LRRC75A: variants seen among roughly 807,000 people sequenced by gnomAD.
LRRC75A encodes the protein leucine-rich repeat-containing protein 75A.
A neutral mutation model predicts 26.0 loss-of-function variants in LRRC75A; 12 were observed. The ratio of observed to expected loss-of-function variants is 0.46; its 90% confidence interval spans 0.30 to 0.75. The LOEUF (loss-of-function observed/expected upper bound fraction) is 0.75. LRRC75A is among the 30% of genes least tolerant of loss of function. The pLI is 0.08. For synonymous variants in LRRC75A, 223 were observed against 219.3 expected (o/e 1.02, Z -0.15); for missense variants, 410 against 486.6 (o/e 0.84, Z 1.48).
chr17:16,477,876 T>C (rs1382085924), intron 1 of LRRC75A, among the ~76,000 whole-genome samples: 1 of 152,044 alleles, frequency 6.6e-6, no homozygotes, highest in African/African-American at 2.4e-5. Flanking sequence ...ACCTGGTTTC[T>C]CAGTGGTCAC....
intron 1 of LRRC75A, among the ~76,000 whole-genome samples, chr17:16,476,065 G>A (rs970315990): frequency 6.6e-6 from 1 of 152,132 alleles, no homozygotes; most frequent in Non-Finnish European, 1.5e-5. Context: ...TGTGATGGCA[G>A]GTGCCTATAG....
At chr17:16,453,052 AG>A (rs2093645751) in intron 2 of LRRC75A, among the ~76,000 whole-genome samples, 1 of 152,090 alleles carries the variant, frequency 6.6e-6, no homozygotes, top group African/African-American at 2.4e-5. Context: ...GCACTTTGGG[AG>A]GCCGAGGCAG....
chr17:16,447,228 C>T (rs1367213600), intron 3 of LRRC75A, among the ~76,000 whole-genome samples: 2 of 152,078 alleles, frequency 1.3e-5, no homozygotes, highest in African/African-American at 2.4e-5. Flanking sequence ...CAACCCCTAC[C>T]AATCTTCAAG....
chr17:16,479,264 G>A (rs946321991), intron 1 of LRRC75A, among the ~76,000 whole-genome samples: 2 of 152,230 alleles, frequency 1.3e-5, no homozygotes, highest in Admixed American at 6.5e-5. Context: ...TCAGCTCCTC[G>A]ATTCAAGAGA....
In LRRC75A at chr17:16,445,786, A is replaced by T. The variant is rs35076500; in HGVS notation, c.492-1655T>A. Among the ~76,000 whole-genome samples, 811 of 152,234 alleles carry T rather than the reference A, an allele frequency of 5.3e-3. 10 individuals are homozygous for T. Among genetic ancestry groups the T allele is most frequent in the African/African-American group, 0.018 (764 of 41,538 alleles). On this transcript the variant is annotated intron_variant, in intron 3 of 3. Transcript: ENST00000470794. ...TTATCAATGTCATTAATAAAGACCC[A>T]TTCCACCAGGGAAGCAGTGTGGTGG...
At chr17:16,465,923 C>T (rs1029033868) in intron 1 of LRRC75A, among the ~76,000 whole-genome samples, 12 of 152,220 alleles carry the variant, frequency 7.9e-5, no homozygotes, top group East Asian at 3.8e-4. Flanking sequence ...CTGTGAGTCA[C>T]GGCCAACACC....
At chr17:16,477,064 G>A (rs2093822722) in intron 1 of LRRC75A, among the ~76,000 whole-genome samples, 1 of 152,114 alleles carries the variant, frequency 6.6e-6, no homozygotes, top group Non-Finnish European at 1.5e-5. Flanking sequence ...TGTAGTTTTA[G>A]TAGAGACCGG....
chr17:16,448,800 GGA>G (rs1308546945), intron 2 of LRRC75A, among the ~76,000 whole-genome samples: 2 of 152,222 alleles, frequency 1.3e-5, no homozygotes, highest in African/African-American at 4.8e-5. Flanking sequence ...GACAGACCTA[GGA>G]GAGAGCCTCA....
intron 1 of LRRC75A, among the ~76,000 whole-genome samples, chr17:16,474,619 T>C (rs893870577): frequency 6.6e-6 from 1 of 151,990 alleles, no homozygotes; most frequent in African/African-American, 2.4e-5. Context: ...TCTGAATCGG[T>C]TGTTTATACC....
At chr17:16,487,801 C>A (rs185967056) in intron 1 of LRRC75A, among the ~76,000 whole-genome samples, 1 of 152,324 alleles carries the variant, frequency 6.6e-6, no homozygotes, top group East Asian at 1.9e-4. Flanking sequence ...GCCAGCCTCA[C>A]CACCCCAGAC....
intron 1 of LRRC75A, among the ~76,000 whole-genome samples, chr17:16,467,850 C>A (rs796321341): frequency 2.8e-4 from 42 of 152,334 alleles, no homozygotes; most frequent in African/African-American, 9.9e-4. Context: ...TCTACAGCAA[C>A]TTCTCCAAGT....
intron 2 of LRRC75A, among the ~76,000 whole-genome samples, chr17:16,450,729 C>T (rs2093624615): frequency 6.6e-6 from 1 of 152,082 alleles, no homozygotes; most frequent in Admixed American, 6.6e-5. Flanking sequence ...GCAGGGGAGT[C>T]CCTCAAGGGG....
chr17:16,479,990 T>C (rs149638355), intron 1 of LRRC75A, among the ~76,000 whole-genome samples: 85 of 152,292 alleles, frequency 5.6e-4, no homozygotes, highest in Non-Finnish European at 1.0e-3. Context: ...CCGCCTCCTG[T>C]CAGATCAGTG....
intron 2 of LRRC75A, among the ~76,000 whole-genome samples, chr17:16,450,115 G>A (rs1365936774): frequency 2.6e-5 from 4 of 152,184 alleles, no homozygotes; most frequent in African/African-American, 7.2e-5. Context: ...GCCACTGTCA[G>A]CCCTGCACAC....
chr17:16,471,832 G>T (rs1271687603), intron 1 of LRRC75A, among the ~76,000 whole-genome samples: 4 of 152,198 alleles, frequency 2.6e-5, no homozygotes, highest in African/African-American at 9.7e-5. Context: ...GGCCACTTAC[G>T]TGAGGGACCA....
intron 2 of LRRC75A, among the ~76,000 whole-genome samples, chr17:16,451,630 A>T (rs557719383): frequency 0.026 from 3,021 of 118,448 alleles, 43 homozygotes; most frequent in African/African-American, 0.047. Context: ...TCAAAAAAAA[A>T]AATAATAATA....
At chr17:16,475,654 T>C (rs1568981744) in intron 1 of LRRC75A, among the ~76,000 whole-genome samples, 3 of 152,140 alleles carry the variant, frequency 2.0e-5, no homozygotes, top group Non-Finnish European at 4.4e-5. Flanking sequence ...TGTACTCCTG[T>C]AGTCCCGCTA....
At position 16,492,069 on chromosome 17, in the gene LRRC75A, G is replaced by C; in HGVS notation, c.-79C>G. Reference sequence around the variant, plus strand: ...CCAACCGCCCGCCCCTCGGCCGCCCGTGCGCGCTCGCCTCCCGGGCTGCAA... The same window carrying C: ...CCAACCGCCCGCCCCTCGGCCGCCCCTGCGCGCTCGCCTCCCGGGCTGCAA... On this transcript the variant is annotated 5_prime_UTR_variant, in exon 1 of 4. Coordinates refer to ENST00000470794, the MANE Select transcript of LRRC75A (RefSeq NM_001113567.3). 6 of 1,056,410 alleles carry C rather than the reference G, an allele frequency of 5.7e-6. No individual in the cohort carries two copies. The highest frequency in any genetic ancestry group is 6.8e-6 in the Non-Finnish European group (6 of 877,326). 65.4% of individuals were successfully genotyped at this position (1,056,410 alleles called of 1,614,324 possible).
chr17:16,462,515 G>T lies in LRRC75A; in HGVS notation c.247-129C>A. The T allele has an allele frequency of 1.6e-6, 2 of 1,253,946 alleles. No individual in the cohort carries two copies. Among genetic ancestry groups the T allele is most frequent in the South Asian group, 1.5e-5 (1 of 68,328 alleles). The allele number at this position is 1,253,946 out of a possible 1,614,324, so 77.7% of individuals were successfully genotyped here. A position where few individuals can be genotyped will look rare whatever the true frequency, so the allele number is the denominator to read the frequency against. ...CCCAGAGCCCCGGTGGGGAGCATCTGCAGAACTTCCCTCAGGGGCTGGGGC... is the reference window on the plus strand; with the variant it reads ...CCCAGAGCCCCGGTGGGGAGCATCTTCAGAACTTCCCTCAGGGGCTGGGGC... On this transcript the variant is annotated intron_variant, in intron 1 of 3. Coordinates refer to ENST00000470794, the MANE Select transcript of LRRC75A (RefSeq NM_001113567.3). This position sits in a 1 kb window ranked among gnomAD's most constrained non-coding sequence, Gnocchi z 4.6.
Sources: allele counts gnomAD v4.1 joint callset (sites outside exome capture counted in the v4.1 genomes callset), GRCh38; gene constraint gnomAD v4.1.1; non-coding constraint Gnocchi (gnomAD v3.1); transcripts MANE v1.5; gene names NCBI Gene and HGNC (gene_info 2026-07-23, HGNC 2026-07-21).